Variants in SNX32 observed in about 807,000 individuals in gnomAD.
SNX32 encodes the protein sorting nexin-32.
Under a neutral mutation model 57.0 loss-of-function variants are expected in SNX32, and 58 were observed. That is an observed-to-expected ratio of 1.02 (90% CI 0.82 to 1.27). The LOEUF is 1.27. Ranked by LOEUF, SNX32 falls within the 50% of genes most tolerant of loss-of-function variation. The pLI, the probability that SNX32 is intolerant of heterozygous loss-of-function variation, is 0.00. For synonymous variants in SNX32, 262 were observed against 220.4 expected (o/e 1.19, Z -1.67); for missense variants, 589 against 541.2 (o/e 1.09, Z -0.88).
Position 65,852,731 on chromosome 11 carries a change from G to C in SNX32, c.1014G>C (p.Glu338Asp). ...RTRNREVRPA[E>D]SHQQLCCQRF... ...GGAACCGGGAGGTGCGGCCCGCCGAGAGCCACCAGCAGCTGTGCTGCCAAC... is the reference window on the plus strand; with the variant it reads ...GGAACCGGGAGGTGCGGCCCGCCGACAGCCACCAGCAGCTGTGCTGCCAAC... The change falls in exon 11 of 13, where the codon GAG (glutamate) becomes GAC (aspartate). Residue 338 changes from glutamate (E) to aspartate (D), a missense_variant. Coordinates refer to ENST00000308342, the MANE Select transcript of SNX32 (RefSeq NM_152760.3). 1 of 1,606,344 alleles carries C rather than the reference G, an allele frequency of 6.2e-7. No individual in the cohort carries two copies. Among genetic ancestry groups the C allele is most frequent in the Non-Finnish European group, 8.5e-7 (1 of 1,178,686 alleles).
intron 12 of SNX32, 66 bp from the exon 13 acceptor site, chr11:65,853,216 G>T (rs1411563100): frequency 6.2e-7 from 1 of 1,607,428 alleles, no homozygotes; most frequent in East Asian, 2.2e-5. Context: ...AGCATCTAAG[G>T]TGCAGAAAGA....
At chr11:65,850,350 C>A (rs1291550151) in intron 4 of SNX32, 79 bp downstream of exon 4, 1 of 1,613,034 alleles carries the variant, frequency 6.2e-7, no homozygotes, top group Non-Finnish European at 8.5e-7. Flanking sequence ...TGTTTAGCAA[C>A]CCTGACCTCT....
intron 1 of SNX32, among the ~76,000 whole-genome samples, chr11:65,837,176 G>A (rs888787790): frequency 1.1e-4 from 16 of 151,920 alleles, no homozygotes; most frequent in African/African-American, 3.9e-4. Flanking sequence ...GGGACAAAGA[G>A]AAAGCAAAAA....
At chr11:65,839,227 T>TTTTTTTTTTTTTTTTTTG (rs1858761827) in intron 1 of SNX32, among the ~76,000 whole-genome samples, 1 of 13,398 alleles carries the variant, frequency 7.5e-5, no homozygotes, top group Non-Finnish European at 2.1e-4. Flanking sequence ...TTTTTTGTAT[T>TTTTTTTTTTTTTTTTTTG]TTTTTTTTTT....
chr11:65,848,580 A>G (rs1166990095), intron 1 of SNX32, among the ~76,000 whole-genome samples: 1 of 152,174 alleles, frequency 6.6e-6, no homozygotes, highest in African/African-American at 2.4e-5. Context: ...AAAAATAAAT[A>G]AATACATGTT....
chr11:65,852,988 T>C (rs1432414490), intron 12 of SNX32, 30 bp downstream of exon 12: 2 of 1,611,356 alleles, frequency 1.2e-6, no homozygotes, highest in Admixed American at 3.3e-5. Flanking sequence ...TGGGCCCTTG[T>C]GAAGCCTCCC....
chr11:65,852,739 A>T lies in SNX32; in HGVS notation c.1022A>T (p.Gln341Leu), dbSNP rs752233619. The T allele has an allele frequency of 1.2e-6, 2 of 1,607,054 alleles. No individual in the cohort carries two copies. Among genetic ancestry groups the T allele is most frequent in the Non-Finnish European group, 1.7e-6 (2 of 1,178,756 alleles). Reference sequence around the variant, plus strand: ...GAGGTGCGGCCCGCCGAGAGCCACCAGCAGCTGTGCTGCCAACGCTTCGAG... The same window carrying T: ...GAGGTGCGGCCCGCCGAGAGCCACCTGCAGCTGTGCTGCCAACGCTTCGAG... ...NREVRPAESH[Q>L]QLCCQRFERL... Residue 341 changes from glutamine to leucine, a missense_variant, in exon 11 of 13, where the codon CAG (glutamine) becomes CTG (leucine). Gln to Leu is a moderately radical substitution (Grantham distance 113). Coordinates refer to ENST00000308342, the MANE Select transcript of SNX32 (RefSeq NM_152760.3).
At chr11:65,842,375 G>A (rs147013631) in intron 1 of SNX32, among the ~76,000 whole-genome samples, 19 of 152,314 alleles carry the variant, frequency 1.2e-4, no homozygotes, top group Admixed American at 2.6e-4. Context: ...ATCACCGGGC[G>A]TGGTGGATCA....
In SNX32 at chr11:65,853,341, C is replaced by G. The variant is rs1859288658; in HGVS notation, c.*6C>G. On this transcript the variant is annotated 3_prime_UTR_variant, in exon 13 of 13. Transcript: ENST00000308342. ...CCCTAAAGGGGGAGCCTTAGAGTAG[C>G]CAGAGCTCAGCCAGACCCTAATCTG... is the stretch of plus-strand genomic sequence containing the variant. The G allele has an allele frequency of 3.7e-6, 6 of 1,613,836 alleles. No homozygotes were observed. Among genetic ancestry groups the G allele is most frequent in the Non-Finnish European group, 5.1e-6 (6 of 1,179,934 alleles).
intron 9 of SNX32, 135 bp downstream of exon 9, chr11:65,851,814 C>T (rs1213775950): frequency 3.0e-5 from 28 of 939,584 alleles, no homozygotes; most frequent in Non-Finnish European, 4.1e-5. Context: ...TGGGCTTACA[C>T]TCCAGACTAG....
chr11:65,838,205 AGAAG>A (rs538205923), intron 1 of SNX32, among the ~76,000 whole-genome samples: 3,022 of 151,088 alleles, frequency 0.02, 28 homozygotes, highest in Middle Eastern at 0.075. Flanking sequence ...AAGGAAGAAA[AGAAG>A]GAAGGAAGGA....
intron 1 of SNX32, among the ~76,000 whole-genome samples, chr11:65,843,555 A>C (rs887486808): frequency 1.3e-4 from 20 of 152,212 alleles, no homozygotes; most frequent in Non-Finnish European, 2.5e-4. Flanking sequence ...CAACAGAGCA[A>C]GACTCTGTCT....
chr11:65,837,759 C>T (rs533406394), intron 1 of SNX32, among the ~76,000 whole-genome samples: 1 of 134,380 alleles, frequency 7.4e-6, no homozygotes, highest in Non-Finnish European at 1.5e-5. Context: ...GATGGAGGTT[C>T]CAGTGAGCCA....
intron 1 of SNX32, among the ~76,000 whole-genome samples, chr11:65,846,722 G>A (rs1428868398): frequency 1.3e-5 from 2 of 151,972 alleles, no homozygotes; most frequent in East Asian, 3.9e-4. Flanking sequence ...GGTGGCTCAC[G>A]CCTGTAATCC....
rs949331151 is a variant in SNX32 at position 65,834,002 on chromosome 11, G to C, written c.-64G>C. ...TCCTCACTCGGTCAGTTCCTCGGGC[G>C]AGTTACGGGGACGACCTGCGGGAGC... On this transcript the variant is annotated 5_prime_UTR_variant, in exon 1 of 13. Transcript: ENST00000308342. The C allele has an allele frequency of 3.3e-6, 5 of 1,534,870 alleles. No homozygotes were observed. In the African/African-American group the frequency reaches 6.9e-5, roughly 21 times the overall value.
intron 2 of SNX32, 166 bp from the exon 3 acceptor site, chr11:65,849,754 T>A (rs984330449): frequency 2.9e-5 from 22 of 750,702 alleles, no homozygotes; most frequent in Non-Finnish European, 4.8e-5. Flanking sequence ...AGGCCCCGAG[T>A]CCTAATCATT....
In SNX32 at chr11:65,852,624, T is replaced by C. The variant is rs751422727; in HGVS notation, c.913-6T>C. ...GGCAGCAGTGACCCTGTGCCCATGG[T>C]CCTAGGACCTGCTGTACCGGCGGCT... On this transcript the variant is annotated splice_region_variant and splice_polypyrimidine_tract_variant and intron_variant, in intron 10 of 12. Coordinates refer to ENST00000308342, the MANE Select transcript of SNX32 (RefSeq NM_152760.3). 6.2e-7 allele frequency: 1 copy of C among 1,612,332 alleles called. No homozygotes were observed. The highest frequency in any genetic ancestry group is 1.7e-5 in the Admixed American group (1 of 59,866).
chr11:65,853,383 G>A lies in SNX32; in HGVS notation c.*48G>A, dbSNP rs777672739. 4 of 1,590,102 alleles carry A rather than the reference G, an allele frequency of 2.5e-6. No homozygotes were observed. The highest frequency in any genetic ancestry group is 2.7e-5 in the African/African-American group (2 of 74,378). ...CCTAATCTGGGATCTCCAGTGACCA[G>A]GGTATCCCAGACCCCTCTCTCCGGC... On this transcript the variant is annotated 3_prime_UTR_variant, in exon 13 of 13. Transcript: ENST00000308342.
At chr11:65,843,127 A>G (rs1372990328) in intron 1 of SNX32, among the ~76,000 whole-genome samples, 1 of 150,816 alleles carries the variant, frequency 6.6e-6, no homozygotes, top group African/African-American at 2.4e-5. Flanking sequence ...AGGCTGAGGC[A>G]GGAGAATGGC....
Sources: allele counts gnomAD v4.1 joint callset (sites outside exome capture counted in the v4.1 genomes callset), GRCh38; gene constraint gnomAD v4.1.1; transcripts MANE v1.5; gene names NCBI Gene and HGNC (gene_info 2026-07-23, HGNC 2026-07-21).